The following KIF13B variants were observed in gnomAD, a reference collection of about 807,000 sequenced individuals.
KIF13B encodes kinesin-like protein KIF13B.
A neutral mutation model predicts 222.0 loss-of-function variants in KIF13B; 127 were observed. The ratio of observed to expected loss-of-function variants is 0.57; its 90% confidence interval spans 0.50 to 0.66. The LOEUF is 0.66. Among genes scored for constraint, KIF13B ranks in the 30% least tolerant of loss-of-function variants. The probability of loss-of-function intolerance (pLI) is 0.00; values close to 1 mark genes in which losing one functional copy is unlikely to be tolerated. For missense variants in KIF13B, 2,173 were observed against 2,379.0 expected (o/e 0.91, Z 1.80); for synonymous variants, 976 against 919.0 (o/e 1.06, Z -1.12).
At chr8:29,224,031 C>T (rs1701525337) in intron 2 of KIF13B, among the ~76,000 whole-genome samples, 1 of 145,472 alleles carries the variant, frequency 6.9e-6, no homozygotes, top group Non-Finnish European at 1.5e-5. Flanking sequence ...CAGAGTCTCT[C>T]TCTGTTGCCC....
At chr8:29,208,410 T>A (rs953778671) in intron 2 of KIF13B, among the ~76,000 whole-genome samples, 2 of 152,230 alleles carry the variant, frequency 1.3e-5, no homozygotes, top group Non-Finnish European at 2.9e-5. Context: ...TAAATCTGTA[T>A]AAATAAAATG....
intron 21 of KIF13B, among the ~76,000 whole-genome samples, chr8:29,135,688 A>T (rs1810522244): frequency 6.6e-6 from 1 of 152,162 alleles, no homozygotes. Flanking sequence ...TGAGGTCAGG[A>T]GTTTGAGACC....
Position 29,224,696 on chromosome 8 carries a change from C to T in KIF13B, c.149+20650G>A, listed in dbSNP as rs572891636. 4.7e-5 allele frequency among the ~76,000 whole-genome samples: 7 copies of T among 149,466 alleles called. No individual in the cohort carries two copies. In the East Asian group the frequency reaches 1.4e-3, roughly 30 times the overall value. On this transcript the variant is annotated intron_variant, in intron 2 of 39. Coordinates refer to ENST00000524189, the MANE Select transcript of KIF13B (RefSeq NM_015254.4). ...CATTCATTCTATCCACGTTAAGAAT[C>T]CCTATTCTAGAGCATGCATCCTTGA...
Position 29,177,379 on chromosome 8 carries a change from TCAC to T in KIF13B, c.833+84_833+86del, listed in dbSNP as rs1812525239. On this transcript the variant is annotated intron_variant, in intron 9 of 39. Transcript: ENST00000524189. ...GAAAATACCAGAAAAAAATTTCAAA[TCAC>T]CTTAATATTTTAATAACCACAGATG... 77 of 999,870 alleles carry T rather than the reference TCAC, an allele frequency of 7.7e-5. 3 individuals are homozygous for T. The South Asian group carries it at 9.2e-4, about 12-fold the overall frequency. 61.9% of individuals were successfully genotyped at this position (999,870 alleles called of 1,614,324 possible).
At chr8:29,140,382 CA>C in intron 20 of KIF13B, 85 bp downstream of exon 20, 1 of 1,466,060 alleles carries the variant, frequency 6.8e-7, no homozygotes. Flanking sequence ...ACGTTACTGA[CA>C]AAAAATAGCA....
In KIF13B at chr8:29,133,299, G is replaced by A. The variant is rs146928744; in HGVS notation, c.2784+741C>T. The stretch of plus-strand genomic sequence containing the variant: ...AAAACAAACAACAACAACAAAAAAC[G>A]CACTGTTGGCTGGGTGTGGTGGCTC... On this transcript the variant is annotated intron_variant, in intron 22 of 39. Transcript: ENST00000524189. Among the ~76,000 whole-genome samples, 517 of 152,178 alleles carry A rather than the reference G, an allele frequency of 3.4e-3. 5 individuals are homozygous for A. The highest frequency in any genetic ancestry group is 0.012 in the African/African-American group (478 of 41,526).
chr8:29,197,516 G>T (rs1813494933), intron 2 of KIF13B, among the ~76,000 whole-genome samples: 2 of 152,000 alleles, frequency 1.3e-5, no homozygotes, highest in East Asian at 1.9e-4. Flanking sequence ...TTTCCCCCAA[G>T]GATTTATATG....
chr8:29,078,804 A>T (rs1056529318), intron 37 of KIF13B, among the ~76,000 whole-genome samples: 1 of 152,228 alleles, frequency 6.6e-6, no homozygotes, highest in Non-Finnish European at 1.5e-5. Flanking sequence ...CAGAGATGGA[A>T]AAGGACTAAG....
In KIF13B at chr8:29,160,764, G is replaced by A. The variant is rs755531808; in HGVS notation, c.1373C>T (p.Ala458Val). ...CFLVNLNADP[A>V]LNELLVYYLK... ...ATAGTACACCAGAAGCTCATTCAGA[G>A]CTGGGTCAGCATTCAGATTCACAAG... The change falls in exon 13 of 40, where the codon GCT becomes GTT. Residue 458 changes from alanine (A) to valine (V), a missense_variant. Around this residue, in one of 2 missense-constraint regions of KIF13B, gnomAD observed 1,480 missense variants for 1,722.8 expected, o/e 0.86. Transcript: ENST00000524189. The A allele has an allele frequency of 1.2e-6, 2 of 1,613,640 alleles. No individual in the cohort carries two copies. Among genetic ancestry groups the A allele is most frequent in the Non-Finnish European group, 1.7e-6 (2 of 1,179,704 alleles).
chr8:29,095,355 C>T (rs535213308), intron 36 of KIF13B, among the ~76,000 whole-genome samples: 1 of 152,314 alleles, frequency 6.6e-6, no homozygotes, highest in East Asian at 1.9e-4. Flanking sequence ...AAGAAAAAAC[C>T]TCCAACTCAG....
intron 14 of KIF13B, among the ~76,000 whole-genome samples, chr8:29,154,426 G>A (rs1586851556): frequency 6.6e-6 from 1 of 152,120 alleles, no homozygotes; most frequent in East Asian, 1.9e-4. Context: ...GGGAGCCGGT[G>A]TGAGAAAGAA....
At chr8:29,196,910 T>G (rs1035468566) in intron 2 of KIF13B, among the ~76,000 whole-genome samples, 2 of 152,192 alleles carry the variant, frequency 1.3e-5, no homozygotes, top group African/African-American at 4.8e-5. Flanking sequence ...TTGGATTTTC[T>G]ATGTGGGATG....
chr8:29,075,963 C>T (rs1807540045), intron 37 of KIF13B, among the ~76,000 whole-genome samples: 1 of 152,124 alleles, frequency 6.6e-6, no homozygotes, highest in Admixed American at 6.5e-5. Flanking sequence ...ATTTAAAGTC[C>T]AAAGAGGCAG....
chr8:29,234,853 G>C (rs1370537814), intron 2 of KIF13B, among the ~76,000 whole-genome samples: 1 of 152,022 alleles, frequency 6.6e-6, no homozygotes, highest in Non-Finnish European at 1.5e-5. Flanking sequence ...TGACGGAATG[G>C]AACAGCTGGG....
At chr8:29,164,157 GT>G (rs2130137554) in intron 12 of KIF13B, among the ~76,000 whole-genome samples, 2 of 152,246 alleles carry the variant, frequency 1.3e-5, no homozygotes, top group East Asian at 3.9e-4. Flanking sequence ...CAATAAAAAT[GT>G]TTTTAAAATC....
chr8:29,235,963 A>G (rs1279507683), intron 2 of KIF13B, among the ~76,000 whole-genome samples: 1 of 152,250 alleles, frequency 6.6e-6, no homozygotes, highest in African/African-American at 2.4e-5. Context: ...CTAAATAAGG[A>G]TAACCTAGTT....
chr8:29,110,587 A>C (rs1809310251), intron 32 of KIF13B: 1 of 154,442 alleles, frequency 6.5e-6, no homozygotes, highest in African/African-American at 2.4e-5. Flanking sequence ...TATTCAGAAC[A>C]TGGCAGCTTC....
chr8:29,261,618 T>A (rs1333537920), intron 1 of KIF13B, among the ~76,000 whole-genome samples: 16 of 152,334 alleles, frequency 1.1e-4, no homozygotes, highest in Non-Finnish European at 1.5e-5. Flanking sequence ...AACTGATGCT[T>A]CTGAAAATTT....
intron 2 of KIF13B, among the ~76,000 whole-genome samples, chr8:29,237,822 C>G (rs1421898108): frequency 6.6e-6 from 1 of 152,170 alleles, no homozygotes; most frequent in Non-Finnish European, 1.5e-5. Context: ...TTTTAAGAGT[C>G]TCCCTGATTC....
Sources: gnomAD v4.1 joint callset for allele counts (sites outside exome capture counted in the v4.1 genomes callset) on GRCh38, gnomAD v4.1.1 for gene constraint, gnomAD v4.1.1 regional missense constraint, MANE v1.5 for transcripts, NCBI Gene and HGNC (gene_info 2026-07-23, HGNC 2026-07-21) for gene names.